The following SLC17A4 variants were observed in gnomAD, a reference collection of about 807,000 sequenced individuals.
SLC17A4 encodes the protein probable small intestine urate exporter.
Under a neutral mutation model 52.5 loss-of-function variants are expected in SLC17A4, and 33 were observed. That is an observed-to-expected ratio of 0.63 (90% CI 0.48 to 0.84). The LOEUF (loss-of-function observed/expected upper bound fraction) is 0.84, where lower values mean the gene tolerates loss of function less well. Ranked by LOEUF, SLC17A4 falls within the 40% of genes least tolerant of loss-of-function variation. SLC17A4 has a pLI of 0.00. For synonymous variants in SLC17A4, 225 were observed against 216.2 expected, an observed-to-expected ratio of 1.04 and a Z score of -0.36; for missense variants, 585 against 597.1, an observed-to-expected ratio of 0.98 and a Z score of 0.21.
intron 3 of SLC17A4, among the ~76,000 whole-genome samples, 186 bp from the exon 4 acceptor site, chr6:25,769,881 G>C (rs796194304): frequency 1.5e-4 from 23 of 152,146 alleles, no homozygotes; most frequent in African/African-American, 5.5e-4. Flanking sequence ...TTGTGTCAGG[G>C]TGAGCGGAAA....
At chr6:25,760,271 T>C (rs1761423413) in intron 1 of SLC17A4, among the ~76,000 whole-genome samples, 1 of 152,192 alleles carries the variant, frequency 6.6e-6, no homozygotes, top group African/African-American at 2.4e-5. Flanking sequence ...TTTTTACCAA[T>C]TTACTGTATT....
intron 2 of SLC17A4, among the ~76,000 whole-genome samples, chr6:25,764,759 A>G (rs1326612096): frequency 1.3e-5 from 2 of 152,190 alleles, no homozygotes; most frequent in African/African-American, 2.4e-5. Flanking sequence ...TGAAGCGTGC[A>G]TGGGTCCACA....
At position 25,769,417 on chromosome 6, in the gene SLC17A4, G is replaced by T. The variant is rs1041160950; in HGVS notation, c.297+227G>T. 2.6e-5 allele frequency among the ~76,000 whole-genome samples: 4 copies of T among 152,156 alleles called. No individual in the cohort carries two copies. The East Asian group carries it at 7.7e-4, about 29-fold the overall frequency. On this transcript the variant is annotated intron_variant, in intron 3 of 11. Coordinates refer to ENST00000377905, the MANE Select transcript of SLC17A4 (RefSeq NM_005495.3). ...TACTAAAAATATGAAAATCAGCCAG[G>T]CATGGTCATAGGCACCTGTAATCCC...
At chr6:25,755,092 AAGAG>A (rs1409261512) in intron 1 of SLC17A4, among the ~76,000 whole-genome samples, 2 of 142,716 alleles carry the variant, frequency 1.4e-5, no homozygotes, top group South Asian at 2.3e-4. Context: ...CAGAGGAAGA[AAGAG>A]AGAGAGGAAG....
At chr6:25,772,505 TA>T (rs34311162) in intron 6 of SLC17A4, among the ~76,000 whole-genome samples, 1 of 152,174 alleles carries the variant, frequency 6.6e-6, no homozygotes, top group Non-Finnish European at 1.5e-5. Flanking sequence ...CTTAAGATTC[TA>T]AAAAGGGAAT....
At chr6:25,766,219 T>G (rs1227539741) in intron 2 of SLC17A4, among the ~76,000 whole-genome samples, 1 of 151,176 alleles carries the variant, frequency 6.6e-6, no homozygotes, top group Non-Finnish European at 1.5e-5. Flanking sequence ...AAAGAAAAAA[T>G]TATACATGTC....
At chr6:25,772,969 G>A (rs1269558948) in intron 6 of SLC17A4, among the ~76,000 whole-genome samples, 1 of 152,328 alleles carries the variant, frequency 6.6e-6, no homozygotes, top group Middle Eastern at 3.4e-3. Context: ...TTGGTCAATG[G>A]ATGAGCTGGA....
chr6:25,769,383 A>G (rs1401898939), intron 3 of SLC17A4, among the ~76,000 whole-genome samples, 193 bp downstream of exon 3: 1 of 152,034 alleles, frequency 6.6e-6, no homozygotes, highest in Non-Finnish European at 1.5e-5. Context: ...TGGGAGGGTG[A>G]GGCATCTTTA....
intron 2 of SLC17A4, among the ~76,000 whole-genome samples, chr6:25,764,393 G>A (rs990097750): frequency 6.6e-6 from 1 of 152,168 alleles, no homozygotes; most frequent in African/African-American, 2.4e-5. Context: ...AATGCCATCT[G>A]AAGGACAATT....
chr6:25,777,564 AAACAACAACAACAACAACAAC>A (rs143345736), intron 10 of SLC17A4: 4,325 of 162,038 alleles, frequency 0.027, 197 homozygotes, highest in African/African-American at 0.095. Flanking sequence ...GCAGAAGCCA[AAACAACAACAACAACAACAAC>A]AACAACAACA....
rs1254043320 is a variant in SLC17A4, at chr6:25,754,759, ATCC to A, written c.-57_-55del. On this transcript the variant is annotated 5_prime_UTR_variant, in exon 1 of 12. In the 5' UTR this introduces an upstream ATG that the reference lacks. Transcript: ENST00000377905. Reference sequence around the variant, plus strand: ...GAATATTTATTTGAAAGGAATGAGGATCCTGCACTCTTCCTCCCTCAGGTTAGT... The same window carrying A: ...GAATATTTATTTGAAAGGAATGAGGATGCACTCTTCCTCCCTCAGGTTAGT... 1.3e-5 allele frequency: 2 copies of A among 152,192 alleles called. No homozygotes were observed. Among genetic ancestry groups the A allele is most frequent in the African/African-American group, 4.8e-5 (2 of 41,434 alleles). 9.4% of individuals were successfully genotyped at this position (152,192 alleles called of 1,614,324 possible). A position where few individuals can be genotyped will look rare whatever the true frequency, so the allele number is the denominator to read the frequency against.
chr6:25,776,450 G>C, intron 8 of SLC17A4, 145 bp from the exon 9 acceptor site: 1 of 893,262 alleles, frequency 1.1e-6, no homozygotes, highest in Non-Finnish European at 1.7e-6. Flanking sequence ...AAAGTATATT[G>C]GCTCATTATA....
chr6:25,776,945 G>C lies in SLC17A4; in HGVS notation c.1254G>C (p.Leu418Phe). Residue 418 changes from leucine to phenylalanine, a missense_variant, in exon 10 of 12, where the codon TTG (leucine) becomes TTC (phenylalanine). Physicochemically the swap from Leu to Phe is conservative, Grantham distance 22 (BLOSUM62 0). Coordinates refer to ENST00000377905, the MANE Select transcript of SLC17A4 (RefSeq NM_005495.3). ...AATCAGGAGCCCTTGTTAACTTCTT[G>C]GATATTGCTCCTCGGTAGGGACCTC... ...FCESGALVNF[L>F]DIAPRYTGFL... 1 of 1,612,604 alleles carries C rather than the reference G, an allele frequency of 6.2e-7. No individual in the cohort carries two copies. Among genetic ancestry groups the C allele is most frequent in the South Asian group, 1.1e-5 (1 of 90,906 alleles).
At chr6:25,758,722 TTA>T (rs1761244829) in intron 1 of SLC17A4, among the ~76,000 whole-genome samples, 1 of 129,470 alleles carries the variant, frequency 7.7e-6, no homozygotes, top group Non-Finnish European at 1.7e-5. Context: ...GCAATTTTAT[TTA>T]TCTTTTCAAA....
chr6:25,768,288 C>T (rs7746058), intron 2 of SLC17A4: 2 of 781,910 alleles, frequency 2.6e-6, no homozygotes, highest in South Asian at 5.8e-5. Context: ...AAGAAAATGG[C>T]ATCTTCATAC....
chr6:25,767,458 A>T (rs990324642), intron 2 of SLC17A4, among the ~76,000 whole-genome samples: 12 of 152,114 alleles, frequency 7.9e-5, no homozygotes, highest in African/African-American at 2.9e-4. Context: ...TTTCAGGCAA[A>T]ATTTGGGGGC....
intron 8 of SLC17A4, among the ~76,000 whole-genome samples, chr6:25,775,546 C>T (rs1031062077): frequency 1.4e-4 from 21 of 152,176 alleles, no homozygotes; most frequent in African/African-American, 2.9e-4. Flanking sequence ...AGCAATCCTC[C>T]TACCTCAGCC....
In SLC17A4 at chr6:25,780,774, G is replaced by A. The variant is rs1040470200; in HGVS notation, c.*1586G>A. On this transcript the variant is annotated 3_prime_UTR_variant, in exon 12 of 12. Transcript: ENST00000377905. Reference sequence around the variant, plus strand: ...GCCCCTGGCATGAGGCAATAGACATGGTGAGAGGTGAATGGATTATTTGAT... The same window carrying A: ...GCCCCTGGCATGAGGCAATAGACATAGTGAGAGGTGAATGGATTATTTGAT... 6.6e-6 allele frequency: 1 copy of A among 152,178 alleles called. No homozygotes were observed. Among genetic ancestry groups the A allele is most frequent in the Non-Finnish European group, 1.5e-5 (1 of 68,082 alleles). 9.4% of individuals were successfully genotyped at this position (152,178 alleles called of 1,614,324 possible). A position where few individuals can be genotyped will look rare whatever the true frequency, so the allele number is the denominator to read the frequency against.
intron 10 of SLC17A4, chr6:25,777,244 G>A: frequency 2.8e-6 from 1 of 357,034 alleles, no homozygotes; most frequent in African/African-American, 2.1e-5. Flanking sequence ...TGCAGCACTT[G>A]CCTAAGGCGG....
Sources: gnomAD v4.1 joint callset for allele counts (sites outside exome capture counted in the v4.1 genomes callset) on GRCh38, gnomAD v4.1.1 for gene constraint, MANE v1.5 for transcripts, NCBI Gene and HGNC (gene_info 2026-07-23, HGNC 2026-07-21) for gene names.